Variants in SLC14A2 observed in about 807,000 individuals in gnomAD.
SLC14A2 encodes urea transporter 2.
Under a neutral mutation model 104.6 loss-of-function variants are expected in SLC14A2, and 91 were observed. The observed-to-expected ratio is 0.87, with a 90% CI of 0.73 to 1.04. SLC14A2 has a LOEUF of 1.04. SLC14A2 is among the 50% of genes least tolerant of loss of function. SLC14A2 has a pLI of 0.00. For synonymous variants in SLC14A2, 476 were observed against 466.4 expected (o/e 1.02, Z -0.27); for missense variants, 1,189 against 1,156.0 (o/e 1.03, Z -0.41).
At chr18:45,213,387 G>A (rs2083978664) in intron 1 of SLC14A2, among the ~76,000 whole-genome samples, 1 of 152,162 alleles carries the variant, frequency 6.6e-6, no homozygotes. Flanking sequence ...TTGTTTCAAA[G>A]AGATGAGATG....
intron 1 of SLC14A2, among the ~76,000 whole-genome samples, chr18:45,624,188 G>T (rs1398313224): frequency 6.6e-6 from 1 of 152,178 alleles, no homozygotes; most frequent in African/African-American, 2.4e-5. Flanking sequence ...GAGATCAGTT[G>T]TAAGCAATGT....
intron 1 of SLC14A2, among the ~76,000 whole-genome samples, chr18:45,463,524 C>T (rs2087083669): frequency 6.6e-6 from 1 of 152,194 alleles, no homozygotes; most frequent in Non-Finnish European, 1.5e-5. Flanking sequence ...AAAGCAAGGC[C>T]ATTTATCTAC....
intron 1 of SLC14A2, among the ~76,000 whole-genome samples, chr18:45,397,535 G>C (rs2086048438): frequency 1.3e-5 from 2 of 152,084 alleles, no homozygotes; most frequent in African/African-American, 2.4e-5. Context: ...TAGTAAATTT[G>C]TTTAGTTCCT....
At chr18:45,679,912 T>C (rs1239345598) in intron 19 of SLC14A2, among the ~76,000 whole-genome samples, 4 of 152,216 alleles carry the variant, frequency 2.6e-5, no homozygotes, top group African/African-American at 4.8e-5. Context: ...ATGAGTCTAG[T>C]ACTCATTGGT....
In SLC14A2 at chr18:45,587,350, ACAATCAGTTGCTTTCAC is replaced by A. The variant is rs2044581982; in HGVS notation, c.-34-37276_-34-37260del. 2.6e-5 allele frequency among the ~76,000 whole-genome samples: 4 copies of A among 152,330 alleles called. No homozygotes were observed. In the South Asian group the frequency reaches 8.3e-4, roughly 32 times the overall value. ...GTAATGGCTTGCAAGGTGCCAACAC[ACAATCAGTTGCTTTCAC>A]CAATACATCAACACCAGGGTTGAGA... On this transcript the variant is annotated intron_variant, in intron 2 of 20. Transcript: ENST00000586448.
chr18:45,519,379 C>T (rs901900951), intron 2 of SLC14A2, among the ~76,000 whole-genome samples: 1 of 152,198 alleles, frequency 6.6e-6, no homozygotes, highest in Non-Finnish European at 1.5e-5. Context: ...AGATGGAATG[C>T]TCCAAGGCCA....
intron 1 of SLC14A2, among the ~76,000 whole-genome samples, chr18:45,301,608 G>C (rs1040830480): frequency 1.3e-5 from 2 of 152,212 alleles, no homozygotes; most frequent in Non-Finnish European, 2.9e-5. Flanking sequence ...TTGGCTTAGA[G>C]AATTTGTGAC....
chr18:45,401,673 T>A (rs2086097802), intron 1 of SLC14A2, among the ~76,000 whole-genome samples: 1 of 152,198 alleles, frequency 6.6e-6, no homozygotes, highest in Non-Finnish European at 1.5e-5. Flanking sequence ...ATTTACTAAA[T>A]GGAGAAATAA....
intron 1 of SLC14A2, among the ~76,000 whole-genome samples, chr18:45,371,176 C>G (rs548820946): frequency 2.0e-5 from 3 of 152,308 alleles, no homozygotes; most frequent in East Asian, 1.9e-4. Context: ...AGACATCGCT[C>G]TACCTCAGTT....
At chr18:45,212,217 C>T (rs2083967599), upstream of SLC14A2, among the ~76,000 whole-genome samples, 1 of 152,192 alleles carries the variant, frequency 6.6e-6, no homozygotes. Context: ...GTATAGTGCA[C>T]ATGTGAGTAT....
chr18:45,175,439 T>G, the SLC14A2 span, among the ~76,000 whole-genome samples: 1 of 152,104 alleles, frequency 6.6e-6, no homozygotes, highest in Non-Finnish European at 1.5e-5. Flanking sequence ...TCTGGAAGAT[T>G]CAGGTGTGGG....
intron 1 of SLC14A2, among the ~76,000 whole-genome samples, chr18:45,382,590 A>G (rs903533759): frequency 3.3e-5 from 5 of 152,210 alleles, no homozygotes; most frequent in African/African-American, 9.6e-5. Context: ...ATCCTGAATT[A>G]TAGAAAAGAA....
At chr18:45,507,497 C>T (rs1463009701) in intron 2 of SLC14A2, 7 of 152,244 alleles carry the variant, frequency 4.6e-5, no homozygotes, top group African/African-American at 1.7e-4. Flanking sequence ...CCTCAGGTCA[C>T]ACACATCCAC....
chr18:45,584,458 GT>G (rs1176556612), intron 2 of SLC14A2, among the ~76,000 whole-genome samples: 1 of 152,222 alleles, frequency 6.6e-6, no homozygotes, highest in South Asian at 2.1e-4. Context: ...ACCTGTAGCA[GT>G]TTTTTTCTCT....
At chr18:45,612,206 G>C (rs145975730), upstream of SLC14A2, among the ~76,000 whole-genome samples, 986 of 152,300 alleles carry the variant, frequency 6.5e-3, 10 homozygotes, top group African/African-American at 0.022. Context: ...AGATCTTCCA[G>C]CCCAAGGTCA....
At chr18:45,296,088 A>G (rs1394486499) in intron 1 of SLC14A2, among the ~76,000 whole-genome samples, 2 of 152,182 alleles carry the variant, frequency 1.3e-5, no homozygotes, top group Non-Finnish European at 2.9e-5. Flanking sequence ...TTGAAGCCTC[A>G]CCTTCTATTT....
chr18:45,633,585 A>G (rs925156959), intron 5 of SLC14A2, among the ~76,000 whole-genome samples: 9 of 152,224 alleles, frequency 5.9e-5, no homozygotes, highest in South Asian at 2.1e-4. Context: ...GCTCACTGTC[A>G]TGGTGAACCT....
intron 2 of SLC14A2, among the ~76,000 whole-genome samples, chr18:45,489,246 G>A (rs1319727581): frequency 1.3e-5 from 2 of 152,080 alleles, no homozygotes; most frequent in Non-Finnish European, 2.9e-5. Flanking sequence ...ATTTCACAAT[G>A]CTACTTATAA....
At chr18:45,656,653 G>A (rs557375711) in intron 10 of SLC14A2, among the ~76,000 whole-genome samples, 6 of 152,286 alleles carry the variant, frequency 3.9e-5, no homozygotes, top group Middle Eastern at 3.4e-3. Context: ...CTGGTGTCCC[G>A]CAGTTAGAGA....
Sources: allele counts gnomAD v4.1 joint callset (sites outside exome capture counted in the v4.1 genomes callset), GRCh38; gene constraint gnomAD v4.1.1; transcripts MANE v1.5; gene names NCBI Gene and HGNC (gene_info 2026-07-23, HGNC 2026-07-21).